Variants in LHFPL6 observed in about 807,000 individuals in gnomAD.
LHFPL6 encodes LHFPL tetraspan subfamily member 6, also known as LHFPL tetraspan subfamily member 6 protein.
LHFPL6 carries 9 observed loss-of-function variants against 20.6 expected under a neutral mutation model. That is an observed-to-expected ratio of 0.44 (90% CI 0.26 to 0.76). The LOEUF is 0.76. Ranked by LOEUF, LHFPL6 falls within the 30% of genes least tolerant of loss-of-function variation. The pLI, the probability that LHFPL6 is intolerant of heterozygous loss-of-function variation, is 0.20. For synonymous variants in LHFPL6, 105 were observed against 98.7 expected (o/e 1.06, Z -0.38); for missense variants, 218 against 253.5 (o/e 0.86, Z 0.95).
intron 2 of LHFPL6, among the ~76,000 whole-genome samples, chr13:39,487,237 T>G (rs756877145): frequency 6.6e-6 from 1 of 152,214 alleles, no homozygotes; most frequent in African/African-American, 2.4e-5. Flanking sequence ...CCCTCCAATA[T>G]TATTCAAGAA....
chr13:39,391,734 C>T (rs1870713350), intron 2 of LHFPL6, among the ~76,000 whole-genome samples: 1 of 135,480 alleles, frequency 7.4e-6, no homozygotes, highest in African/African-American at 2.8e-5. Context: ...ACCATCAATA[C>T]GGTGGTACAG....
intron 2 of LHFPL6, among the ~76,000 whole-genome samples, chr13:39,590,958 T>A (rs998408385): frequency 1.3e-5 from 2 of 152,112 alleles, no homozygotes; most frequent in African/African-American, 4.8e-5. Flanking sequence ...GGAAGTAAGT[T>A]AAAAATCAAA....
intron 2 of LHFPL6, among the ~76,000 whole-genome samples, chr13:39,600,519 C>G (rs555551082): frequency 6.6e-6 from 1 of 152,144 alleles, no homozygotes; most frequent in African/African-American, 2.4e-5. Context: ...TTTAACATAA[C>G]GAACAAGAAG....
intron 2 of LHFPL6, among the ~76,000 whole-genome samples, chr13:39,422,449 G>A (rs1040228037): frequency 1.3e-5 from 2 of 152,048 alleles, no homozygotes; most frequent in African/African-American, 4.8e-5. Context: ...AGCCAGGCAT[G>A]GTGGCACATG....
At chr13:39,521,921 T>C (rs1442966704) in intron 2 of LHFPL6, among the ~76,000 whole-genome samples, 1 of 152,212 alleles carries the variant, frequency 6.6e-6, no homozygotes, top group African/African-American at 2.4e-5. Context: ...TGAAAGTTAA[T>C]GGAATCCCGA....
intron 2 of LHFPL6, among the ~76,000 whole-genome samples, chr13:39,433,857 C>T (rs762055396): frequency 7.9e-5 from 12 of 152,148 alleles, no homozygotes; most frequent in Non-Finnish European, 1.3e-4. Context: ...TTGAATAATC[C>T]AGCAGTCACC....
intron 3 of LHFPL6, among the ~76,000 whole-genome samples, chr13:39,369,554 A>T (rs2138352070): frequency 1.0e-4 from 1 of 9,612 alleles, no homozygotes; most frequent in East Asian, 4.6e-3. Flanking sequence ...TGTGATCAAA[A>T]ATTCATAGTA....
chr13:39,555,687 G>A (rs878884283), intron 2 of LHFPL6, among the ~76,000 whole-genome samples: 8 of 152,052 alleles, frequency 5.3e-5, no homozygotes, highest in African/African-American at 1.7e-4. Flanking sequence ...CATATAACAC[G>A]TTTATAAAGA....
chr13:39,353,902 A>G (rs1869660044), intron 3 of LHFPL6, among the ~76,000 whole-genome samples: 1 of 152,168 alleles, frequency 6.6e-6, no homozygotes, highest in Non-Finnish European at 1.5e-5. Context: ...TAATGGGAAT[A>G]CCGCTCCCTG....
At chr13:39,530,963 T>G (rs1870448091) in intron 2 of LHFPL6, among the ~76,000 whole-genome samples, 1 of 150,976 alleles carries the variant, frequency 6.6e-6, no homozygotes, top group African/African-American at 2.4e-5. Flanking sequence ...TACCTCCAGC[T>G]TGCTACAGAT....
At chr13:39,403,553 G>A (rs1406310510) in intron 2 of LHFPL6, among the ~76,000 whole-genome samples, 3 of 152,150 alleles carry the variant, frequency 2.0e-5, no homozygotes, top group Admixed American at 6.5e-5. Context: ...GACTAGGGTG[G>A]CAAAGTAACA....
At chr13:39,521,855 G>A (rs956505820) in intron 2 of LHFPL6, among the ~76,000 whole-genome samples, 1 of 151,630 alleles carries the variant, frequency 6.6e-6, no homozygotes, top group Non-Finnish European at 1.5e-5. Context: ...TCAAAAGGCA[G>A]AAGGGAGCAA....
intron 2 of LHFPL6, among the ~76,000 whole-genome samples, chr13:39,515,939 C>G (rs1374418309): frequency 6.6e-6 from 1 of 152,264 alleles, no homozygotes; most frequent in East Asian, 1.9e-4. Context: ...GAATTCATAC[C>G]TCAAGAGTTA....
chr13:39,346,150 G>A (rs1375801525), intron 3 of LHFPL6, among the ~76,000 whole-genome samples: 2 of 152,134 alleles, frequency 1.3e-5, no homozygotes, highest in Non-Finnish European at 2.9e-5. Context: ...TAGTTAGCAT[G>A]TGCCCCAGGC....
At chr13:39,559,840 T>C (rs1871416209) in intron 2 of LHFPL6, among the ~76,000 whole-genome samples, 1 of 152,248 alleles carries the variant, frequency 6.6e-6, no homozygotes, top group Non-Finnish European at 1.5e-5. Context: ...AATTAAATCC[T>C]TGGGGAGTAC....
intron 2 of LHFPL6, among the ~76,000 whole-genome samples, chr13:39,470,091 C>T (rs1466850337): frequency 6.6e-6 from 1 of 152,120 alleles, no homozygotes; most frequent in Non-Finnish European, 1.5e-5. Flanking sequence ...TCTCTCCACT[C>T]GCTTAAAAAA....
At chr13:39,353,498 G>A (rs1047473174) in intron 3 of LHFPL6, among the ~76,000 whole-genome samples, 9 of 151,560 alleles carry the variant, frequency 5.9e-5, no homozygotes, top group East Asian at 4.0e-4. Context: ...AGGCTGAGGC[G>A]GGCAGATCAC....
intron 2 of LHFPL6, among the ~76,000 whole-genome samples, chr13:39,508,396 A>G (rs1410021789): frequency 2.0e-5 from 3 of 152,220 alleles, no homozygotes; most frequent in African/African-American, 7.2e-5. Flanking sequence ...ATACAATGGC[A>G]AAACCATCAC....
chr13:39,443,844 A>ATTGAATAT, intron 2 of LHFPL6, among the ~76,000 whole-genome samples: 1 of 151,612 alleles, frequency 6.6e-6, no homozygotes, highest in Non-Finnish European at 1.5e-5. Context: ...TCAATAAGTT[A>ATTGAATAT]CATGAGATAT....
Sources: gnomAD v4.1 joint callset for allele counts (sites outside exome capture counted in the v4.1 genomes callset) on GRCh38, gnomAD v4.1.1 for gene constraint, MANE v1.5 for transcripts, NCBI Gene and HGNC (gene_info 2026-07-23, HGNC 2026-07-21) for gene names.